NEO1: variants seen among roughly 807,000 people sequenced by gnomAD.
NEO1 encodes the protein neogenin.
NEO1 carries 63 observed loss-of-function variants against 159.7 expected under a neutral mutation model. The observed-to-expected ratio is 0.39, with a 90% CI of 0.32 to 0.49. The LOEUF (loss-of-function observed/expected upper bound fraction) is 0.49, where lower values mean the gene tolerates loss of function less well. NEO1 is among the 20% of genes least tolerant of loss of function. The pLI is 0.85. For missense variants in NEO1, 1,615 were observed against 1,831.0 expected (o/e 0.88, Z 2.15); for synonymous variants, 633 against 662.0 (o/e 0.96, Z 0.67).
At chr15:73,157,267 C>A (rs752414753) in intron 5 of NEO1, among the ~76,000 whole-genome samples, 14 of 152,226 alleles carry the variant, frequency 9.2e-5, no homozygotes, top group Non-Finnish European at 2.1e-4. Flanking sequence ...CAGACTCTTG[C>A]TTGAGTCCCA....
chr15:73,241,914 C>T (rs2039505176), intron 8 of NEO1, among the ~76,000 whole-genome samples: 1 of 152,020 alleles, frequency 6.6e-6, no homozygotes, highest in Non-Finnish European at 1.5e-5. Flanking sequence ...TTCCCTTTCA[C>T]ATAGAAGCAA....
At chr15:73,232,698 A>G (rs1166730235) in intron 7 of NEO1, among the ~76,000 whole-genome samples, 2 of 152,168 alleles carry the variant, frequency 1.3e-5, no homozygotes, top group Non-Finnish European at 2.9e-5. Flanking sequence ...ACCTTGTTCC[A>G]TGGCTAGTCT....
chr15:73,137,461 G>A (rs942876817), intron 5 of NEO1, among the ~76,000 whole-genome samples: 2 of 152,038 alleles, frequency 1.3e-5, no homozygotes, highest in Non-Finnish European at 2.9e-5. Context: ...TTTTTTTTGA[G>A]ACAGGGTCTC....
chr15:73,219,723 T>C lies in NEO1; in HGVS notation c.1292-16624T>C, dbSNP rs1453818145. Among the ~76,000 whole-genome samples, 5 of 137,628 alleles carry C rather than the reference T, an allele frequency of 3.6e-5. No individual in the cohort carries two copies. In the East Asian group the frequency reaches 8.3e-4, roughly 23 times the overall value. 90.3% of individuals were successfully genotyped at this position (137,628 alleles called of 152,430 possible). A position where few individuals can be genotyped will look rare whatever the true frequency, so the allele number is the denominator to read the frequency against. On this transcript the variant is annotated intron_variant, in intron 7 of 28. Transcript: ENST00000261908. The stretch of plus-strand genomic sequence containing the variant: ...GATCTTTGTTGGTTTAAAGTCTGTT[T>C]TATCAGAGACTAGGATTGCAACCCC...
intron 7 of NEO1, among the ~76,000 whole-genome samples, chr15:73,227,020 A>G (rs1431301223): frequency 6.6e-6 from 1 of 152,218 alleles, no homozygotes; most frequent in Non-Finnish European, 1.5e-5. Context: ...AATGATCTCC[A>G]CCTTCAGAAA....
At chr15:73,063,649 G>A (rs1383724261) in intron 1 of NEO1, among the ~76,000 whole-genome samples, 1 of 151,846 alleles carries the variant, frequency 6.6e-6, no homozygotes, top group East Asian at 1.9e-4. Context: ...TTGTTTGTTT[G>A]TTTGTTTTTT....
Position 73,137,921 on chromosome 15 carries a change from T to C in NEO1, c.1015+1894T>C, listed in dbSNP as rs115807314. On this transcript the variant is annotated intron_variant, in intron 5 of 28. Coordinates refer to ENST00000261908, the MANE Select transcript of NEO1 (RefSeq NM_002499.4). ...ATGGAGTAAAATCTAAGAGATACGA[T>C]AGGTATAGGTAGAAGGACTATCTAG... 1.8e-3 allele frequency among the ~76,000 whole-genome samples: 270 copies of C among 152,200 alleles called. 1 individual carries two copies. Among genetic ancestry groups the C allele is most frequent in the African/African-American group, 6.3e-3 (263 of 41,524 alleles).
At chr15:73,278,059 C>G in intron 21 of NEO1, 72 bp from the exon 22 acceptor site, 1 of 1,345,074 alleles carries the variant, frequency 7.4e-7, no homozygotes. Flanking sequence ...GTTTAAAACA[C>G]TCCCTAGCTA....
chr15:73,163,120 T>G (rs998451764), intron 5 of NEO1, among the ~76,000 whole-genome samples: 1 of 152,210 alleles, frequency 6.6e-6, no homozygotes, highest in African/African-American at 2.4e-5. Flanking sequence ...TATTTTATTG[T>G]TTTTGTAGTT....
At chr15:73,136,071 T>TAAGCTCTGCTTGAG in intron 5 of NEO1, 44 bp downstream of exon 5, 1 of 1,528,606 alleles carries the variant, frequency 6.5e-7, no homozygotes, top group Non-Finnish European at 8.8e-7. Flanking sequence ...CTGTGTACTT[T>TAAGCTCTGCTTGAG]CTGGGTCTGC....
intron 23 of NEO1, among the ~76,000 whole-genome samples, 184 bp from the exon 24 acceptor site, chr15:73,288,129 T>C (rs1247749468): frequency 6.6e-6 from 1 of 152,152 alleles, no homozygotes; most frequent in Non-Finnish European, 1.5e-5. Flanking sequence ...AGAGATACAT[T>C]TACTCTCCCC....
intron 1 of NEO1, among the ~76,000 whole-genome samples, chr15:73,065,300 ATT>A (rs1018218451): frequency 7.2e-6 from 1 of 139,534 alleles, no homozygotes. Context: ...GTTGCTCTTC[ATT>A]TTTTTTTTTT....
At chr15:73,297,065 C>A (rs2042401300) in intron 26 of NEO1, among the ~76,000 whole-genome samples, 5 of 152,196 alleles carry the variant, frequency 3.3e-5, no homozygotes, top group Admixed American at 2.6e-4. Flanking sequence ...TGAGCTGTGT[C>A]CCCATCCCTC....
intron 20 of NEO1, among the ~76,000 whole-genome samples, 178 bp from the exon 21 acceptor site, chr15:73,274,514 A>G (rs540310166): frequency 3.9e-5 from 6 of 152,338 alleles, no homozygotes; most frequent in Admixed American, 3.9e-4. Flanking sequence ...GACTGAATCT[A>G]AGGAATTATG....
At chr15:73,247,063 G>A (rs2039832361) in intron 9 of NEO1, among the ~76,000 whole-genome samples, 1 of 152,204 alleles carries the variant, frequency 6.6e-6, no homozygotes. Context: ...TATTCAAGGA[G>A]TTTGGCTAAA....
At chr15:73,173,427 C>T (rs1285931796) in intron 5 of NEO1, among the ~76,000 whole-genome samples, 3 of 152,034 alleles carry the variant, frequency 2.0e-5, no homozygotes, top group East Asian at 1.9e-4. Context: ...CCCAAGAGTA[C>T]GTAGATTTTA....
chr15:73,192,285 T>C (rs1176910435), intron 7 of NEO1, among the ~76,000 whole-genome samples: 1 of 152,052 alleles, frequency 6.6e-6, no homozygotes, highest in Non-Finnish European at 1.5e-5. Flanking sequence ...ATAAACTTTT[T>C]ATTTGCAGAA....
At chr15:73,234,868 A>G (rs1275274823) in intron 7 of NEO1, among the ~76,000 whole-genome samples, 1 of 152,178 alleles carries the variant, frequency 6.6e-6, no homozygotes, top group Non-Finnish European at 1.5e-5. Flanking sequence ...TGATTTTATT[A>G]ATACCACTCC....
intron 5 of NEO1, among the ~76,000 whole-genome samples, chr15:73,150,707 T>TA (rs5813705): frequency 0.28 from 43,101 of 152,078 alleles, 7,764 homozygotes; most frequent in Non-Finnish European, 0.4. Context: ...TTCCAGCAAA[T>TA]ACACATTACT....
Sources: gnomAD v4.1 joint callset for allele counts (sites outside exome capture counted in the v4.1 genomes callset) on GRCh38, gnomAD v4.1.1 for gene constraint, MANE v1.5 for transcripts, NCBI Gene and HGNC (gene_info 2026-07-23, HGNC 2026-07-21) for gene names.